Variants in MTHFD1L observed in about 807,000 individuals in gnomAD.
MTHFD1L encodes the protein methylenetetrahydrofolate dehydrogenase (NADP+ dependent) 1 like.
A neutral mutation model predicts 119.5 loss-of-function variants in MTHFD1L; 81 were observed. The ratio of observed to expected loss-of-function variants is 0.68; its 90% confidence interval spans 0.57 to 0.82. The LOEUF is 0.82. Among genes scored for constraint, MTHFD1L ranks in the 40% least tolerant of loss-of-function variants. MTHFD1L has a pLI of 0.00. For missense variants in MTHFD1L, 1,125 were observed against 1,253.4 expected (o/e 0.90, Z 1.55); for synonymous variants, 430 against 475.2 (o/e 0.90, Z 1.24).
chr6:151,069,238 A>G lies in MTHFD1L; in HGVS notation c.2848-23229A>G, dbSNP rs1342886333. ...GACCACAGTCATAAGGCCCAAAACT[A>G]TCTTCTCTCTCTTTCTCTCTCTCTC... On this transcript the variant is annotated intron_variant, in intron 26 of 27. Coordinates refer to ENST00000367321, the MANE Select transcript of MTHFD1L (RefSeq NM_015440.5). Among the ~76,000 whole-genome samples, 3 of 106,234 alleles carry G rather than the reference A, an allele frequency of 2.8e-5. No individual in the cohort carries two copies. The East Asian group carries it at 9.2e-4, about 33-fold the overall frequency. The allele number at this position is 106,234 out of a possible 152,430, so 69.7% of individuals were successfully genotyped here. A position where few individuals can be genotyped will look rare whatever the true frequency, so the allele number is the denominator to read the frequency against.
chr6:150,866,859 C>T (rs907968170), intron 1 of MTHFD1L, among the ~76,000 whole-genome samples: 2 of 152,188 alleles, frequency 1.3e-5, no homozygotes, highest in Admixed American at 1.3e-4. Flanking sequence ...GCGCACGGGT[C>T]TCGGGCCTTG....
rs796202749 is a variant in MTHFD1L at position 151,023,081 on chromosome 6, C to G, written c.2586+7388C>G. Among the ~76,000 whole-genome samples, 93 of 146,864 alleles carry G rather than the reference C, an allele frequency of 6.3e-4. 1 individual carries two copies. The highest frequency in any genetic ancestry group is 2.1e-3 in the African/African-American group (82 of 39,636). On this transcript the variant is annotated intron_variant, in intron 24 of 27. Transcript: ENST00000367321. ...TTTTTTTTTGAGGCAGAGTCTCGCT[C>G]TGTCACCCAGGCTGGAGTGCATTGG...
intron 8 of MTHFD1L, 25 bp downstream of exon 8, chr6:150,905,786 A>G: frequency 6.5e-7 from 1 of 1,528,988 alleles, no homozygotes. Context: ...ATTGGTGTTG[A>G]GCCACTGATT....
chr6:150,887,401 C>A (rs1201668903), intron 6 of MTHFD1L, among the ~76,000 whole-genome samples: 1 of 152,128 alleles, frequency 6.6e-6, no homozygotes, highest in East Asian at 1.9e-4. Context: ...ATTACAACAC[C>A]CCACTCCTAG....
chr6:150,973,495 G>A (rs569869540), intron 20 of MTHFD1L, among the ~76,000 whole-genome samples: 2 of 152,304 alleles, frequency 1.3e-5, no homozygotes, highest in East Asian at 3.9e-4. Flanking sequence ...GTCAGGGCGG[G>A]CACTGGAAAG....
intron 20 of MTHFD1L, among the ~76,000 whole-genome samples, chr6:151,003,425 G>A (rs566201745): frequency 3.3e-5 from 5 of 152,158 alleles, no homozygotes; most frequent in South Asian, 4.1e-4. Context: ...CCACCTACTC[G>A]GGAGGCTGAG....
At chr6:151,092,714 A>T in intron 27 of MTHFD1L, 127 bp downstream of exon 27, 3 of 620,622 alleles carry the variant, frequency 4.8e-6, no homozygotes, top group Non-Finnish European at 8.4e-6. Context: ...TGTTACTCAA[A>T]TTCCTACCAA....
chr6:150,920,092 TC>T (rs1352431228), intron 9 of MTHFD1L, among the ~76,000 whole-genome samples: 1 of 152,098 alleles, frequency 6.6e-6, no homozygotes, highest in African/African-American at 2.4e-5. Context: ...GCAGCTAACT[TC>T]CCCCAGTGTG....
Position 150,926,055 on chromosome 6 carries a change from T to C in MTHFD1L, c.1083-67T>C. ...ATCGTTGGCGTGATGTGTGGCTGTT[T>C]TCACTCCAGTTGTGACCACCTAAGC... On this transcript the variant is annotated intron_variant, in intron 10 of 27. Coordinates refer to ENST00000367321, the MANE Select transcript of MTHFD1L (RefSeq NM_015440.5). The surrounding 1 kb of genome is among the most constrained non-coding windows in gnomAD (Gnocchi z 4.3). The C allele has an allele frequency of 7.1e-7, 1 of 1,417,882 alleles. No individual in the cohort carries two copies. 87.8% of individuals were successfully genotyped at this position (1,417,882 alleles called of 1,614,324 possible).
intron 7 of MTHFD1L, among the ~76,000 whole-genome samples, chr6:150,892,958 G>A (rs1048114841): frequency 6.6e-6 from 1 of 152,154 alleles, no homozygotes; most frequent in Non-Finnish European, 1.5e-5. Context: ...AAGCCACCTA[G>A]GCATGGGTTA....
intron 9 of MTHFD1L, among the ~76,000 whole-genome samples, chr6:150,919,156 G>GA (rs111966934): frequency 0.017 from 1,996 of 119,718 alleles, 39 homozygotes; most frequent in African/African-American, 0.053. Flanking sequence ...GAGGGAGACT[G>GA]AAAAAAAAAA....
At chr6:151,045,124 G>A (rs976572317) in intron 26 of MTHFD1L, among the ~76,000 whole-genome samples, 2 of 152,104 alleles carry the variant, frequency 1.3e-5, no homozygotes, top group Non-Finnish European at 2.9e-5. Context: ...TTGGTTATAC[G>A]CTTGCTTCAC....
At chr6:150,904,031 A>G (rs1175350578) in intron 7 of MTHFD1L, among the ~76,000 whole-genome samples, 1 of 152,098 alleles carries the variant, frequency 6.6e-6, no homozygotes, top group Admixed American at 6.6e-5. Context: ...CTGTTCATAA[A>G]CCAGGTAGGA....
At chr6:151,046,643 A>G (rs1788134471) in intron 26 of MTHFD1L, among the ~76,000 whole-genome samples, 1 of 151,900 alleles carries the variant, frequency 6.6e-6, no homozygotes, top group Non-Finnish European at 1.5e-5. Context: ...GGCACCCATA[A>G]AAGTATCTGG....
chr6:151,025,284 T>C (rs1421057503), intron 24 of MTHFD1L, among the ~76,000 whole-genome samples: 1 of 152,240 alleles, frequency 6.6e-6, no homozygotes. Context: ...GTAGCTCAGA[T>C]GTGCTGATTT....
intron 20 of MTHFD1L, among the ~76,000 whole-genome samples, chr6:150,976,057 G>A (rs2064974): frequency 0.43 from 65,495 of 151,896 alleles, 16,292 homozygotes; most frequent in African/African-American, 0.65. Flanking sequence ...AAAATTTAGC[G>A]GGGCTTGGTG....
At chr6:150,935,519 A>G in intron 11 of MTHFD1L, 1 of 1,560,688 alleles carries the variant, frequency 6.4e-7, no homozygotes, top group Non-Finnish European at 8.7e-7. Flanking sequence ...ACTACATGAT[A>G]TGATCATTAA....
intron 1 of MTHFD1L, chr6:150,866,455 G>C: frequency 7.6e-7 from 1 of 1,322,748 alleles, no homozygotes; most frequent in Non-Finnish European, 9.6e-7. Context: ...GGGCGGGGCT[G>C]CGGCTCGGCG....
intron 26 of MTHFD1L, among the ~76,000 whole-genome samples, chr6:151,043,561 A>G (rs969320533): frequency 2.6e-5 from 4 of 152,168 alleles, no homozygotes; most frequent in African/African-American, 9.7e-5. Context: ...ATGCATTTTC[A>G]TAACAGTTGG....
Sources: gnomAD v4.1 joint callset for allele counts (sites outside exome capture counted in the v4.1 genomes callset) on GRCh38, gnomAD v4.1.1 for gene constraint, Gnocchi (gnomAD v3.1) non-coding constraint, MANE v1.5 for transcripts, NCBI Gene and HGNC (gene_info 2026-07-23, HGNC 2026-07-21) for gene names.